Variants in POLQ observed in about 807,000 individuals in gnomAD.
POLQ encodes epididymis secretory sperm binding protein.
Under a neutral mutation model 259.2 loss-of-function variants are expected in POLQ, and 233 were observed. The observed-to-expected ratio is 0.90, with a 90% confidence interval of 0.81 to 1.00. POLQ has a LOEUF of 1.00. Among genes scored for constraint, POLQ ranks in the 50% least tolerant of loss-of-function variants. The pLI, the probability that POLQ is intolerant of heterozygous loss-of-function variation, is 0.00. For synonymous variants in POLQ, 1,025 were observed against 1,048.8 expected (o/e 0.98, Z 0.44); for missense variants, 2,871 against 3,051.6 (o/e 0.94, Z 1.39).
chr3:121,465,090 C>CT (rs527974666), intron 24 of POLQ, among the ~76,000 whole-genome samples: 6,611 of 141,042 alleles, frequency 0.047, 180 homozygotes, highest in Middle Eastern at 0.1. Context: ...TTTCTTTTTT[C>CT]TTTTTTTTTT....
chr3:121,499,174 T>C (rs1447148254), intron 12 of POLQ, among the ~76,000 whole-genome samples: 2 of 152,010 alleles, frequency 1.3e-5, no homozygotes, highest in Admixed American at 6.5e-5. Context: ...ACCTCATTCA[T>C]ATGGAAACAT....
intron 25 of POLQ, among the ~76,000 whole-genome samples, chr3:121,452,774 C>T (rs982696730): frequency 3.9e-5 from 6 of 152,184 alleles, no homozygotes; most frequent in African/African-American, 1.4e-4. Context: ...CTCAAGGAGG[C>T]CTGCCTGTCT....
chr3:121,478,169 T>G (rs2108792902), intron 19 of POLQ, among the ~76,000 whole-genome samples: 2 of 152,240 alleles, frequency 1.3e-5, no homozygotes, highest in South Asian at 4.1e-4. Context: ...AGTCTCAGAC[T>G]CCTGTTCTGA....
chr3:121,450,328 C>A (rs745766273), intron 25 of POLQ, among the ~76,000 whole-genome samples: 22 of 151,882 alleles, frequency 1.4e-4, no homozygotes, highest in Non-Finnish European at 2.8e-4. Context: ...TCTACCCCCA[C>A]CCCCAAGTTT....
In POLQ at chr3:121,485,177, T is replaced by G. The variant is rs757793630; in HGVS notation, c.5637A>C (p.Ser1879=). ...CATCTCTAATAGGAATTTCCTGAGG[T>G]GAGCTAGCTAAGTAAAACAAAAGTG... ...TIGSRFKQAS[S]PQEIPIRDDG... The change falls in exon 17 of 30, where the codon TCA becomes TCC. Residue 1879 remains serine, a synonymous_variant. Transcript: ENST00000264233. 26 of 1,588,182 alleles carry G rather than the reference T, an allele frequency of 1.6e-5. No homozygotes were observed. Among genetic ancestry groups the G allele is most frequent in the Admixed American group, 1.6e-4 (9 of 54,976 alleles).
In POLQ at chr3:121,455,480, T is replaced by G. The variant is rs1156624294; in HGVS notation, c.7152+4570A>C. Among the ~76,000 whole-genome samples, 167 of 149,358 alleles carry G rather than the reference T, an allele frequency of 1.1e-3. 2 individuals carry two copies. Among genetic ancestry groups the G allele is most frequent in the Admixed American group, 2.5e-3 (37 of 14,882 alleles). ...GAAAGGATCAACAAAATTGATAGAC[T>G]GCTAGCAAGACTAATAAAGAAGAAA... On this transcript the variant is annotated intron_variant, in intron 25 of 29. Coordinates refer to ENST00000264233, the MANE Select transcript of POLQ (RefSeq NM_199420.4).
intron 26 of POLQ, among the ~76,000 whole-genome samples, chr3:121,444,284 A>G (rs1484387027): frequency 6.6e-6 from 1 of 152,048 alleles, no homozygotes; most frequent in Non-Finnish European, 1.5e-5. Flanking sequence ...TCAGTGTTTT[A>G]TAAGTTTTCC....
intron 7 of POLQ, among the ~76,000 whole-genome samples, chr3:121,525,837 G>A (rs2048369539): frequency 6.6e-6 from 1 of 152,168 alleles, no homozygotes; most frequent in South Asian, 2.1e-4. Flanking sequence ...CTGGTGTGGT[G>A]TCTACTAGCT....
intron 2 of POLQ, among the ~76,000 whole-genome samples, chr3:121,544,461 GAT>G (rs2108823771): frequency 1.3e-5 from 2 of 152,322 alleles, no homozygotes; most frequent in South Asian, 2.1e-4. Flanking sequence ...CACTCACTGG[GAT>G]ATATGTTTGT....
At chr3:121,492,745 C>G (rs1489533520) in intron 15 of POLQ, among the ~76,000 whole-genome samples, 2 of 151,812 alleles carry the variant, frequency 1.3e-5, no homozygotes, top group African/African-American at 2.4e-5. Context: ...AACCAACTCT[C>G]CAGCCTCACA....
intron 9 of POLQ, among the ~76,000 whole-genome samples, chr3:121,514,081 C>A (rs1294121612): frequency 3.5e-5 from 5 of 142,570 alleles, no homozygotes; most frequent in African/African-American, 1.3e-4. Flanking sequence ...GTAATTCCAG[C>A]ACTGTGGGAG....
At chr3:121,530,864 C>G (rs2048406240) in intron 6 of POLQ, among the ~76,000 whole-genome samples, 1 of 152,086 alleles carries the variant, frequency 6.6e-6, no homozygotes, top group South Asian at 2.1e-4. Flanking sequence ...TGTTTCTACT[C>G]CAGTAGGAAG....
At position 121,489,183 on chromosome 3, in the gene POLQ, T is replaced by G; in HGVS notation, c.3748A>C (p.Ser1250Arg). The change falls in exon 16 of 30, where the codon AGT becomes CGT. Residue 1250 changes from serine (S) to arginine (R), a missense_variant. Ser to Arg is a moderately radical substitution (Grantham distance 110, BLOSUM62 -1). Transcript: ENST00000264233. ...TCATCTCCTAATGCCTGAAAATGACTTGGTTTATTTTCCTCTGTATTAAGC... is the reference window on the plus strand; with the variant it reads ...TCATCTCCTAATGCCTGAAAATGACGTGGTTTATTTTCCTCTGTATTAAGC... The part of the protein sequence containing the change: ...IKLNTEENKP[S>R]HFQALGDDIS... 1.2e-6 allele frequency: 2 copies of G among 1,612,428 alleles called. No individual in the cohort carries two copies. The highest frequency in any genetic ancestry group is 1.3e-5 in the African/African-American group (1 of 74,940).
chr3:121,494,828 G>A (rs1553812953), intron 14 of POLQ: 14 of 1,568,040 alleles, frequency 8.9e-6, no homozygotes, highest in East Asian at 4.5e-5. Context: ...GGGCGGCAAC[G>A]TCCTGGGTCC....
chr3:121,453,871 A>G (rs984302378), intron 25 of POLQ, among the ~76,000 whole-genome samples: 5 of 152,214 alleles, frequency 3.3e-5, no homozygotes, highest in Admixed American at 6.5e-5. Context: ...CATTCAGGAA[A>G]TCCAGAGAAC....
intron 14 of POLQ, among the ~76,000 whole-genome samples, chr3:121,495,672 A>C (rs1416538956): frequency 1.9e-5 from 2 of 103,358 alleles, no homozygotes; most frequent in Non-Finnish European, 3.8e-5. Flanking sequence ...GTGGAACCCC[A>C]TCTCCACTAA....
At chr3:121,439,440 C>T (rs2047570912) in intron 27 of POLQ, among the ~76,000 whole-genome samples, 1 of 151,930 alleles carries the variant, frequency 6.6e-6, no homozygotes, top group Non-Finnish European at 1.5e-5. Flanking sequence ...ACTATGTTGC[C>T]CAAGCTGGTC....
intron 7 of POLQ, among the ~76,000 whole-genome samples, chr3:121,526,890 T>TGTGC (rs542001955): frequency 0.11 from 16,631 of 151,332 alleles, 1,033 homozygotes; most frequent in East Asian, 0.15. Flanking sequence ...TGTGTGTGTG[T>TGTGC]GCGCGCGCGC....
intron 17 of POLQ, among the ~76,000 whole-genome samples, chr3:121,484,182 C>T (rs1371420776): frequency 1.3e-5 from 2 of 152,156 alleles, no homozygotes; most frequent in Admixed American, 1.3e-4. Flanking sequence ...CACTATACAG[C>T]ATCCTTTAAA....
Sources: gnomAD v4.1 joint callset for allele counts (sites outside exome capture counted in the v4.1 genomes callset) on GRCh38, gnomAD v4.1.1 for gene constraint, MANE v1.5 for transcripts, NCBI Gene and HGNC (gene_info 2026-07-23, HGNC 2026-07-21) for gene names.